SLC9A9: variants seen among roughly 807,000 people sequenced by gnomAD.
SLC9A9 encodes sodium/hydrogen exchanger 9.
Under a neutral mutation model 77.8 loss-of-function variants are expected in SLC9A9, and 62 were observed. That is an observed-to-expected ratio of 0.80 (90% CI 0.65 to 0.98). SLC9A9 has a LOEUF of 0.98. Ranked by LOEUF, SLC9A9 falls within the 50% of genes least tolerant of loss-of-function variation. SLC9A9 has a pLI of 0.00. For synonymous variants in SLC9A9, 320 were observed against 283.5 expected (o/e 1.13, Z -1.29); for missense variants, 775 against 774.9 (o/e 1.00, Z 0.00).
At chr3:143,531,195 T>C (rs993289139) in intron 9 of SLC9A9, among the ~76,000 whole-genome samples, 1 of 152,252 alleles carries the variant, frequency 6.6e-6, no homozygotes, top group African/African-American at 2.4e-5. Context: ...TGAGTGAATC[T>C]GATACATCAA....
intron 4 of SLC9A9, among the ~76,000 whole-genome samples, chr3:143,700,945 A>G (rs1933781844): frequency 6.6e-6 from 1 of 152,218 alleles, no homozygotes; most frequent in South Asian, 2.1e-4. Context: ...AGGTCCAGGC[A>G]GCTTAGAACA....
chr3:143,544,943 T>G (rs1259959024), intron 9 of SLC9A9, among the ~76,000 whole-genome samples: 1 of 152,190 alleles, frequency 6.6e-6, no homozygotes, highest in Non-Finnish European at 1.5e-5. Flanking sequence ...CATTGCTTTT[T>G]TTTGTTGCCT....
intron 6 of SLC9A9, among the ~76,000 whole-genome samples, chr3:143,579,709 G>C (rs2037422317): frequency 6.6e-6 from 1 of 152,192 alleles, no homozygotes; most frequent in African/African-American, 2.4e-5. Context: ...AAAAGTAGCA[G>C]TGTGGAGAGC....
intron 12 of SLC9A9, among the ~76,000 whole-genome samples, chr3:143,428,848 T>C (rs1265395579): frequency 6.6e-6 from 1 of 152,190 alleles, no homozygotes; most frequent in Non-Finnish European, 1.5e-5. Flanking sequence ...CTCACTCATG[T>C]GGAGTCCAAA....
intron 4 of SLC9A9, among the ~76,000 whole-genome samples, chr3:143,771,936 G>A (rs1430030046): frequency 6.6e-6 from 1 of 152,146 alleles, no homozygotes; most frequent in Non-Finnish European, 1.5e-5. Flanking sequence ...CAGGAGGACA[G>A]AGGAGGAAAT....
At chr3:143,700,524 C>G (rs1292120697) in intron 4 of SLC9A9, among the ~76,000 whole-genome samples, 2 of 152,132 alleles carry the variant, frequency 1.3e-5, no homozygotes, top group East Asian at 3.9e-4. Flanking sequence ...TTGGCAGTGG[C>G]CTGGGAGTAC....
At chr3:143,765,878 C>A (rs1416477498) in intron 4 of SLC9A9, among the ~76,000 whole-genome samples, 1 of 152,124 alleles carries the variant, frequency 6.6e-6, no homozygotes. Context: ...TAAGCAGAAG[C>A]CTAAAAAAGC....
chr3:143,692,828 G>T (rs76170652), intron 5 of SLC9A9, among the ~76,000 whole-genome samples: 1,963 of 152,168 alleles, frequency 0.013, 43 homozygotes, highest in African/African-American at 0.045. Flanking sequence ...AAATAGAAAG[G>T]TCTGTGCATA....
intron 14 of SLC9A9, among the ~76,000 whole-genome samples, chr3:143,340,847 G>A (rs569301585): frequency 6.6e-6 from 1 of 152,264 alleles, no homozygotes; most frequent in African/African-American, 2.4e-5. Context: ...ATATAAATGA[G>A]TTGGTACAAG....
At chr3:143,734,282 G>A (rs1167190493) in intron 4 of SLC9A9, among the ~76,000 whole-genome samples, 1 of 152,192 alleles carries the variant, frequency 6.6e-6, no homozygotes, top group Admixed American at 6.5e-5. Context: ...CAGGCATAAT[G>A]GTGATTTGAG....
intron 2 of SLC9A9, among the ~76,000 whole-genome samples, chr3:143,824,858 C>T (rs1209721534): frequency 3.3e-5 from 5 of 152,168 alleles, no homozygotes; most frequent in Admixed American, 2.6e-4. Flanking sequence ...ACAGCTAAAG[C>T]AAACAAATTT....
intron 12 of SLC9A9, among the ~76,000 whole-genome samples, chr3:143,431,532 G>C (rs2034516156): frequency 6.6e-6 from 1 of 150,392 alleles, no homozygotes. Flanking sequence ...ACCCAGGCTG[G>C]AGTACAGTGG....
chr3:143,343,456 C>A (rs2032170318), intron 14 of SLC9A9: 2 of 152,134 alleles, frequency 1.3e-5, no homozygotes, highest in African/African-American at 4.8e-5. Flanking sequence ...TAGGCAAGAA[C>A]TGCCACAAGC....
chr3:143,548,421 A>G (rs952258728), intron 9 of SLC9A9, among the ~76,000 whole-genome samples: 3 of 152,108 alleles, frequency 2.0e-5, no homozygotes, highest in African/African-American at 2.4e-5. Context: ...TCCGGGCTAC[A>G]CTGCTGTGTG....
intron 14 of SLC9A9, among the ~76,000 whole-genome samples, chr3:143,313,505 C>G (rs921692896): frequency 6.6e-6 from 1 of 152,102 alleles, no homozygotes; most frequent in Admixed American, 6.5e-5. Context: ...CAACTCCTTA[C>G]CCCACCCAAT....
chr3:143,371,195 T>C (rs779131824), intron 13 of SLC9A9, among the ~76,000 whole-genome samples: 16 of 152,038 alleles, frequency 1.1e-4, no homozygotes, highest in Admixed American at 6.6e-5. Flanking sequence ...GAGAAATAAA[T>C]GGAGAGATTA....
intron 4 of SLC9A9, among the ~76,000 whole-genome samples, chr3:143,729,526 G>A (rs1934748873): frequency 6.6e-6 from 1 of 152,146 alleles, no homozygotes; most frequent in South Asian, 2.1e-4. Flanking sequence ...CAGGGACTGT[G>A]CCTTGTCTTT....
chr3:143,619,718 A>T (rs1410026740), intron 6 of SLC9A9, among the ~76,000 whole-genome samples: 1 of 152,210 alleles, frequency 6.6e-6, no homozygotes, highest in Non-Finnish European at 1.5e-5. Flanking sequence ...GACCACCCAC[A>T]TGGACAGCAG....
chr3:143,774,944 C>T (rs1449149336), intron 4 of SLC9A9, among the ~76,000 whole-genome samples: 1 of 152,148 alleles, frequency 6.6e-6, no homozygotes, highest in Non-Finnish European at 1.5e-5. Context: ...CACAGTAGTG[C>T]TCCACCACGA....
Sources: gnomAD v4.1 joint callset for allele counts (sites outside exome capture counted in the v4.1 genomes callset) on GRCh38, gnomAD v4.1.1 for gene constraint, MANE v1.5 for transcripts, NCBI Gene and HGNC (gene_info 2026-07-23, HGNC 2026-07-21) for gene names.